CYP51A1: variants seen among roughly 807,000 people sequenced by gnomAD.
CYP51A1 encodes lanosterol 14-alpha demethylase.
Under a neutral mutation model 53.5 loss-of-function variants are expected in CYP51A1, and 45 were observed. The ratio of observed to expected loss-of-function variants is 0.84; its 90% CI spans 0.66 to 1.08. CYP51A1 has a LOEUF of 1.08. Ranked by LOEUF, CYP51A1 falls within the 50% of genes least tolerant of loss-of-function variation. The probability of loss-of-function intolerance (pLI) is 0.00; values close to 1 mark genes in which losing one functional copy is unlikely to be tolerated. For missense variants in CYP51A1, 462 were observed against 621.7 expected (o/e 0.74, Z 2.73); for synonymous variants, 181 against 217.7 (o/e 0.83, Z 1.48).
At chr7:92,119,222 G>A (rs1403000394) in intron 7 of CYP51A1, among the ~76,000 whole-genome samples, 1 of 152,132 alleles carries the variant, frequency 6.6e-6, no homozygotes, top group Non-Finnish European at 1.5e-5. Flanking sequence ...AGTTTAAAAG[G>A]GAAAACTGGG....
At chr7:92,131,564 A>G (rs1354817534) in intron 2 of CYP51A1, among the ~76,000 whole-genome samples, 2 of 152,246 alleles carry the variant, frequency 1.3e-5, no homozygotes, top group African/African-American at 4.8e-5. Context: ...GGTGTCTCAA[A>G]GACGACCCCA....
intron 4 of CYP51A1, among the ~76,000 whole-genome samples, chr7:92,126,651 T>C (rs1276316906): frequency 6.6e-6 from 1 of 152,030 alleles, no homozygotes. Flanking sequence ...GAAACACATC[T>C]CAAAACCCCA....
At chr7:92,121,681 C>A (rs1819696446) in intron 7 of CYP51A1, among the ~76,000 whole-genome samples, 1 of 152,096 alleles carries the variant, frequency 6.6e-6, no homozygotes, top group South Asian at 2.1e-4. Context: ...CATGGAAGAA[C>A]CCTGATAACA....
In CYP51A1 at chr7:92,128,463, CGTGT is replaced by C. The variant is rs201367686; in HGVS notation, c.468+413_468+416del. Among the ~76,000 whole-genome samples the C allele has an allele frequency of 3.0e-4, 35 of 115,920 alleles. 1 individual carries two copies. Among genetic ancestry groups the C allele is most frequent in the African/African-American group, 1.2e-3 (29 of 24,716 alleles). The allele number at this position is 115,920 out of a possible 152,430, so 76.0% of individuals were successfully genotyped here. A position where few individuals can be genotyped will look rare whatever the true frequency, so the allele number is the denominator to read the frequency against. On this transcript the variant is annotated intron_variant, in intron 3 of 9. Coordinates refer to ENST00000003100, the MANE Select transcript of CYP51A1 (RefSeq NM_000786.4). Reference sequence around the variant, plus strand: ...GTGTGTGTGTGTGTGTGTGCGCGTGCGTGTGTGTGTGTGTGTTTGGTTTTTTGTT... The same window carrying C: ...GTGTGTGTGTGTGTGTGTGCGCGTGCGTGTGTGTGTGTTTGGTTTTTTGTT...
intron 3 of CYP51A1, among the ~76,000 whole-genome samples, chr7:92,128,504 G>A (rs1222427676): frequency 6.6e-6 from 1 of 151,204 alleles, no homozygotes; most frequent in Non-Finnish European, 1.5e-5. Context: ...CTGTTTTTGA[G>A]ACAGGGTCTC....
chr7:92,123,744 C>T lies in CYP51A1; in HGVS notation c.880G>A (p.Ala294Thr), dbSNP rs1386027337. Residue 294 changes from alanine (A) to threonine (T), a missense_variant, in exon 6 of 10, where the codon GCT (alanine) becomes ACT (threonine). Transcript: ENST00000003100. Reference protein sequence around the residue: ...IDDILQTLLDATYKDGRPLTD... With the variant: ...IDDILQTLLDTTYKDGRPLTD... ...CTGAATAGCTCTTACTTGTATGTAG[C>T]ATCTAGTAAAGTTTGGAGAATGTCA... 4 of 1,606,576 alleles carry T rather than the reference C, an allele frequency of 2.5e-6. No individual in the cohort carries two copies. In the South Asian group the frequency reaches 4.4e-5, roughly 18 times the overall value.
chr7:92,126,252 C>T lies in CYP51A1; in HGVS notation c.770+1G>A. ...TAGTGTAATATATTCTTTATCCATA[C>T]CTGAAACTAGGCAAAGGCAGCCAAC... is the stretch of plus-strand genomic sequence containing the variant. On this transcript the variant is annotated splice_donor_variant, in intron 5 of 9. Transcript: ENST00000003100. LOFTEE classifies it high-confidence loss of function. The T allele has an allele frequency of 1.9e-6, 3 of 1,596,920 alleles. No homozygotes were observed. The highest frequency in any genetic ancestry group is 2.6e-6 in the Non-Finnish European group (3 of 1,174,366).
chr7:92,134,584 T>A (rs1049113578), upstream of CYP51A1: 1 of 535,472 alleles, frequency 1.9e-6, no homozygotes, highest in African/African-American at 2.0e-5. Context: ...TGTGAAGCCG[T>A]GGTCTTCTTG....
intron 7 of CYP51A1, 147 bp from the exon 8 acceptor site, chr7:92,118,762 T>C (rs1170905246): frequency 3.3e-6 from 2 of 599,306 alleles, no homozygotes; most frequent in Non-Finnish European, 3.0e-6. Flanking sequence ...GGGGTTATCA[T>C]GCTCTACCAC....
intron 1 of CYP51A1, 71 bp downstream of exon 1, chr7:92,134,102 C>G (rs1313846601): frequency 1.3e-6 from 2 of 1,483,456 alleles, no homozygotes; most frequent in East Asian, 4.7e-5. Flanking sequence ...GCCACGGAGC[C>G]GCCCACGCCA....
chr7:92,121,156 G>A (rs1478174306), intron 7 of CYP51A1, among the ~76,000 whole-genome samples: 1 of 151,924 alleles, frequency 6.6e-6, no homozygotes, highest in Non-Finnish European at 1.5e-5. Flanking sequence ...CAGGCGTGGT[G>A]GTGTGTACCC....
Position 92,123,847 on chromosome 7 carries a change from C to T in CYP51A1, c.777G>A (p.Arg259=), listed in dbSNP as rs759030485. ...GWLPLPSFRR[R]DRAHREIKDI... Reference sequence around the variant, plus strand: ...CCTTGATTTCCCGATGAGCTCTGTCCCTGCGTCTGTAATTAAAAGATAAAG... The same window carrying T: ...CCTTGATTTCCCGATGAGCTCTGTCTCTGCGTCTGTAATTAAAAGATAAAG... The change falls in exon 6 of 10, where the codon AGG becomes AGA. Residue 259 remains arginine (R), a synonymous_variant. Transcript: ENST00000003100. 7 of 1,584,142 alleles carry T rather than the reference C, an allele frequency of 4.4e-6. No homozygotes were observed. The highest frequency in any genetic ancestry group is 5.1e-6 in the Non-Finnish European group (6 of 1,170,384).
intron 6 of CYP51A1, 34 bp downstream of exon 6, chr7:92,123,699 GC>G: frequency 6.4e-7 from 1 of 1,555,530 alleles, no homozygotes; most frequent in South Asian, 1.2e-5. Flanking sequence ...GTAATTTCCT[GC>G]TTCAGCTTAA....
chr7:92,119,287 G>C (rs1222596815), intron 7 of CYP51A1, among the ~76,000 whole-genome samples: 2 of 152,106 alleles, frequency 1.3e-5, no homozygotes, highest in African/African-American at 2.4e-5. Context: ...GAATCTTGAA[G>C]GCCACACATA....
intron 1 of CYP51A1, 74 bp downstream of exon 1, chr7:92,134,099 A>G: frequency 6.8e-7 from 1 of 1,465,248 alleles, no homozygotes; most frequent in Non-Finnish European, 9.4e-7. Flanking sequence ...GGGGCCACGG[A>G]GCCGCCCACG....
At chr7:92,128,157 A>G (rs984634069) in intron 3 of CYP51A1, among the ~76,000 whole-genome samples, 1 of 152,230 alleles carries the variant, frequency 6.6e-6, no homozygotes, top group African/African-American at 2.4e-5. Flanking sequence ...TTAGAATTTC[A>G]GGCAGGAATG....
chr7:92,126,172 C>G (rs983690882), intron 5 of CYP51A1, 81 bp downstream of exon 5: 11 of 972,976 alleles, frequency 1.1e-5, no homozygotes, highest in Non-Finnish European at 1.6e-5. Flanking sequence ...TAATTTTTAT[C>G]TTTGTTAAGG....
rs888822337 is a variant in CYP51A1 at position 92,128,957 on chromosome 7, G to A, written c.391C>T (p.Leu131=). Reference sequence around the variant, plus strand: ...CGACTGTAGACATCTTCTGCATTCAGGTCTTCATTTTTACTATTAAAAAGC... The same window carrying A: ...CGACTGTAGACATCTTCTGCATTCAAGTCTTCATTTTTACTATTAAAAAGC... ...ALLFNSKNED[L]NAEDVYSRLT... The change falls in exon 3 of 10, where the codon CTG becomes TTG. Residue 131 remains leucine (L), a synonymous_variant. Coordinates refer to ENST00000003100, the MANE Select transcript of CYP51A1 (RefSeq NM_000786.4). 1 of 1,613,202 alleles carries A rather than the reference G, an allele frequency of 6.2e-7. No homozygotes were observed. Among genetic ancestry groups the A allele is most frequent in the Admixed American group, 1.7e-5 (1 of 59,978 alleles).
intron 9 of CYP51A1, among the ~76,000 whole-genome samples, chr7:92,114,181 T>G (rs1341335564): frequency 6.6e-6 from 1 of 152,160 alleles, no homozygotes; most frequent in Admixed American, 6.5e-5. Flanking sequence ...AAGAAAGCCC[T>G]AGTTAAAAGT....
Sources: allele counts gnomAD v4.1 joint callset (sites outside exome capture counted in the v4.1 genomes callset), GRCh38; gene constraint gnomAD v4.1.1; transcripts MANE v1.5; gene names NCBI Gene and HGNC (gene_info 2026-07-23, HGNC 2026-07-21).